The following CREB3L1 variants were observed in gnomAD, a reference collection of about 807,000 sequenced individuals.
The protein encoded by CREB3L1 is cAMP responsive element binding protein 3 like 1, also known as cyclic AMP-responsive element-binding protein 3-like protein 1.
Under a neutral mutation model 54.5 loss-of-function variants are expected in CREB3L1, and 33 were observed. The observed-to-expected ratio is 0.61, with a 90% CI of 0.46 to 0.81. The LOEUF (loss-of-function observed/expected upper bound fraction) is 0.81. CREB3L1 is among the 30% of genes least tolerant of loss of function. CREB3L1 has a pLI of 0.00. For missense variants in CREB3L1, 656 were observed against 673.3 expected (o/e 0.97, Z 0.29); for synonymous variants, 284 against 286.4 (o/e 0.99, Z 0.08).
At chr11:46,279,997 G>A (rs867214889) in intron 1 of CREB3L1, among the ~76,000 whole-genome samples, 1 of 152,158 alleles carries the variant, frequency 6.6e-6, no homozygotes, top group Non-Finnish European at 1.5e-5. Context: ...AAGCCCTGCT[G>A]GGGAGGCTCC....
intron 1 of CREB3L1, among the ~76,000 whole-genome samples, chr11:46,280,185 TTTTTGTTTTTTG>T (rs1390391844): frequency 6.7e-4 from 96 of 142,532 alleles, no homozygotes; most frequent in Middle Eastern, 3.5e-3. Flanking sequence ...TTTTTTTTGT[TTTTTGTTTTTTG>T]TTTTTTTTCA....
At position 46,316,338 on chromosome 11, in the gene CREB3L1, T is replaced by A. The variant is rs1212618746; in HGVS notation, c.1084T>A (p.Ser362Thr). 5 of 1,575,874 alleles carry A rather than the reference T, an allele frequency of 3.2e-6. No individual in the cohort carries two copies. The highest frequency in any genetic ancestry group is 4.3e-6 in the Non-Finnish European group (5 of 1,161,058). Residue 362 changes from serine (S) to threonine (T), a missense_variant, in exon 9 of 12, where the codon TCC (serine) becomes ACC (threonine). Physicochemically the swap from Ser to Thr is moderately conservative, Grantham distance 58. Transcript: ENST00000621158. ...CCAGACTCTGGTCACCAACAAGATC[T>A]CCAGACCTTACAAGATGGCCGCCAC... Reference protein sequence around the residue: ...KLQTLVTNKISRPYKMAATQT... With the variant: ...KLQTLVTNKITRPYKMAATQT...
intron 1 of CREB3L1, among the ~76,000 whole-genome samples, chr11:46,281,110 C>G (rs977470289): frequency 6.6e-6 from 1 of 152,224 alleles, no homozygotes; most frequent in African/African-American, 2.4e-5. Context: ...ATGAGGATAC[C>G]TTCATGTTGC....
rs997619260 is a variant in CREB3L1, at chr11:46,320,486, C to T, written c.1481C>T (p.Thr494Ile). 5.0e-6 allele frequency: 8 copies of T among 1,591,948 alleles called. No individual in the cohort carries two copies. Among genetic ancestry groups the T allele is most frequent in the Non-Finnish European group, 6.8e-6 (8 of 1,169,652 alleles). The change falls in exon 11 of 12, where the codon ACC becomes ATC. Residue 494 changes from threonine to isoleucine, a missense_variant. Thr to Ile is a moderately conservative substitution (Grantham distance 89). Transcript: ENST00000621158. ...EAWPKDGGNG[T>I]SPDFSHSKEW... ...TGGCCTAAAGACGGTGGAAACGGCA[C>T]CAGCCCCGACTTCTCCCACTCCAAG...
chr11:46,282,787 A>C (rs57734357), intron 1 of CREB3L1, among the ~76,000 whole-genome samples: 7 of 152,134 alleles, frequency 4.6e-5, no homozygotes, highest in African/African-American at 1.7e-4. Context: ...AGGAGAGTCC[A>C]TATCAGTTTT....
chr11:46,320,135 C>T (rs941289207), intron 10 of CREB3L1, 129 bp from the exon 11 acceptor site: 2 of 1,040,676 alleles, frequency 1.9e-6, no homozygotes, highest in Non-Finnish European at 2.7e-6. Flanking sequence ...TACCTGAGGT[C>T]ACACATCCGG....
At chr11:46,317,561 C>A in intron 10 of CREB3L1, 74 bp downstream of exon 10, 4 of 1,573,046 alleles carry the variant, frequency 2.5e-6, no homozygotes, top group Non-Finnish European at 3.4e-6. Flanking sequence ...CAGGCAGAAG[C>A]CAGACATAAG....
At chr11:46,305,740 A>ATT (rs1389336593) in intron 2 of CREB3L1, among the ~76,000 whole-genome samples, 1 of 106,846 alleles carries the variant, frequency 9.4e-6, no homozygotes, top group Non-Finnish European at 1.8e-5. Context: ...GTGTATATAT[A>ATT]TATATATTTT....
At chr11:46,314,850 G>A (rs1402422268) in intron 8 of CREB3L1, among the ~76,000 whole-genome samples, 1 of 151,658 alleles carries the variant, frequency 6.6e-6, no homozygotes, top group East Asian at 1.9e-4. Context: ...TGGGATTACA[G>A]ACGTGTACCA....
At chr11:46,305,103 C>T (rs973866290) in intron 2 of CREB3L1, among the ~76,000 whole-genome samples, 1 of 152,164 alleles carries the variant, frequency 6.6e-6, no homozygotes, top group African/African-American at 2.4e-5. Flanking sequence ...TCCCCTCCAG[C>T]CCTGCCTTGA....
intron 1 of CREB3L1, among the ~76,000 whole-genome samples, chr11:46,289,415 C>T (rs951888784): frequency 6.6e-5 from 10 of 152,042 alleles, no homozygotes; most frequent in Non-Finnish European, 1.0e-4. Flanking sequence ...TTGATCTACC[C>T]GAAAGAAGGG....
intron 1 of CREB3L1, among the ~76,000 whole-genome samples, chr11:46,294,972 C>T (rs1939184504): frequency 6.6e-6 from 1 of 151,972 alleles, no homozygotes; most frequent in Non-Finnish European, 1.5e-5. Context: ...GCTCAGGATT[C>T]CCCCCCACCC....
intron 1 of CREB3L1, among the ~76,000 whole-genome samples, chr11:46,299,084 T>C (rs1939253882): frequency 6.6e-6 from 1 of 152,112 alleles, no homozygotes; most frequent in Admixed American, 6.6e-5. Context: ...ACAACTGTGA[T>C]TTTTTTTAAT....
At chr11:46,280,789 C>A (rs1368931523) in intron 1 of CREB3L1, among the ~76,000 whole-genome samples, 1 of 152,152 alleles carries the variant, frequency 6.6e-6, no homozygotes, top group Non-Finnish European at 1.5e-5. Flanking sequence ...CTTCCCCCAA[C>A]TTCTTCATTC....
chr11:46,312,551 G>A lies in CREB3L1; in HGVS notation c.904-61G>A, dbSNP rs554676006. 271 of 1,607,418 alleles carry A rather than the reference G, an allele frequency of 1.7e-4. 4 individuals are homozygous for A. In the South Asian group the frequency reaches 2.9e-3, roughly 17 times the overall value. ...CCCTGGCATACCAGCTCTGAAATTG[G>A]GGGGCCCAGGAAGTGAATATGTGGC... On this transcript the variant is annotated intron_variant, in intron 6 of 11. Coordinates refer to ENST00000621158, the MANE Select transcript of CREB3L1 (RefSeq NM_052854.4).
chr11:46,288,996 A>G (rs1939095697), intron 1 of CREB3L1, among the ~76,000 whole-genome samples: 1 of 152,248 alleles, frequency 6.6e-6, no homozygotes. Flanking sequence ...AGTGCCTGGT[A>G]CATAAATATT....
intron 8 of CREB3L1, among the ~76,000 whole-genome samples, chr11:46,314,673 C>A (rs1471192159): frequency 6.6e-6 from 1 of 151,350 alleles, no homozygotes; most frequent in Admixed American, 6.6e-5. Context: ...CTGCACCTGG[C>A]CTTCTTTCAT....
At chr11:46,313,290 C>G (rs534219867) in intron 8 of CREB3L1, among the ~76,000 whole-genome samples, 1 of 152,178 alleles carries the variant, frequency 6.6e-6, no homozygotes, top group Non-Finnish European at 1.5e-5. Flanking sequence ...AAGCCCTCCA[C>G]GTAATTAGGT....
chr11:46,312,555 G>A, intron 6 of CREB3L1, 57 bp from the exon 7 acceptor site: 1 of 1,607,186 alleles, frequency 6.2e-7, no homozygotes, highest in Non-Finnish European at 8.5e-7. Flanking sequence ...AAATTGGGGG[G>A]CCCAGGAAGT....
Sources: gnomAD v4.1 joint callset for allele counts (sites outside exome capture counted in the v4.1 genomes callset) on GRCh38, gnomAD v4.1.1 for gene constraint, MANE v1.5 for transcripts, NCBI Gene and HGNC (gene_info 2026-07-23, HGNC 2026-07-21) for gene names.